Variants in SRBD1 observed in about 807,000 individuals in gnomAD.
SRBD1 encodes the protein S1 RNA binding domain 1.
A neutral mutation model predicts 115.3 loss-of-function variants in SRBD1; 88 were observed. The observed-to-expected ratio is 0.76, with a 90% CI of 0.64 to 0.91. The LOEUF (loss-of-function observed/expected upper bound fraction) is 0.91, where lower values mean the gene tolerates loss of function less well. Ranked by LOEUF, SRBD1 falls within the 40% of genes least tolerant of loss-of-function variation. SRBD1 has a pLI of 0.00. For synonymous variants in SRBD1, 509 were observed against 407.7 expected, an observed-to-expected ratio of 1.25 and a Z score of -2.99; for missense variants, 1,385 against 1,177.4, an observed-to-expected ratio of 1.18 and a Z score of -2.58.
chr2:45,519,482 G>A (rs1671217460), intron 14 of SRBD1, among the ~76,000 whole-genome samples: 1 of 152,180 alleles, frequency 6.6e-6, no homozygotes, highest in Non-Finnish European at 1.5e-5. Flanking sequence ...GTTTACAAGA[G>A]TATCTTTGAT....
chr2:45,477,573 A>G (rs1669841007), intron 15 of SRBD1, among the ~76,000 whole-genome samples: 1 of 152,160 alleles, frequency 6.6e-6, no homozygotes, highest in South Asian at 2.1e-4. Flanking sequence ...TTTTAGAGAT[A>G]GGGTCTCACT....
chr2:45,443,723 T>C (rs374073697), intron 16 of SRBD1, among the ~76,000 whole-genome samples: 3 of 150,628 alleles, frequency 2.0e-5, no homozygotes, highest in South Asian at 2.1e-4. Flanking sequence ...GAAATGTGTA[T>C]ACTGTAAGCA....
At chr2:45,406,539 AC>A (rs972644603) in intron 19 of SRBD1, among the ~76,000 whole-genome samples, 2 of 151,830 alleles carry the variant, frequency 1.3e-5, no homozygotes, top group African/African-American at 4.8e-5. Context: ...CTTGCTGAAA[AC>A]CCTGCTCTGG....
intron 19 of SRBD1, among the ~76,000 whole-genome samples, chr2:45,407,138 C>G (rs1042596124): frequency 6.6e-6 from 1 of 152,204 alleles, no homozygotes; most frequent in East Asian, 1.9e-4. Flanking sequence ...CTCTGTATAC[C>G]TGAAGAAGTG....
chr2:45,560,596 T>C (rs1672631375), intron 10 of SRBD1, among the ~76,000 whole-genome samples: 1 of 152,166 alleles, frequency 6.6e-6, no homozygotes, highest in Non-Finnish European at 1.5e-5. Context: ...AGCATGCCCA[T>C]AGGTGCAGAG....
chr2:45,527,187 G>T (rs1221067640), intron 14 of SRBD1, among the ~76,000 whole-genome samples: 1 of 151,762 alleles, frequency 6.6e-6, no homozygotes, highest in Admixed American at 6.6e-5. Context: ...TTATGTGTGG[G>T]GGAGGGGGGC....
At position 45,526,668 on chromosome 2, in the gene SRBD1, TA is replaced by T. The variant is rs1387921843; in HGVS notation, c.1874+20063del. ...AATGAATAAAGACTTCCAAAAACAA[TA>T]AAAAAAATCAGAAATCCAAATGTCA... On this transcript the variant is annotated intron_variant, in intron 14 of 20. Coordinates refer to ENST00000263736, the MANE Select transcript of SRBD1 (RefSeq NM_018079.5). 3.3e-5 allele frequency among the ~76,000 whole-genome samples: 5 copies of T among 151,564 alleles called. No homozygotes were observed. In the East Asian group the frequency reaches 5.8e-4, roughly 18 times the overall value.
intron 16 of SRBD1, among the ~76,000 whole-genome samples, chr2:45,448,725 G>C (rs986019262): frequency 3.9e-5 from 6 of 152,144 alleles, no homozygotes; most frequent in Non-Finnish European, 4.4e-5. Context: ...TTCAAGAACT[G>C]AAGCTACCCT....
At chr2:45,429,482 GATT>G (rs1668265110) in intron 16 of SRBD1, among the ~76,000 whole-genome samples, 1 of 151,742 alleles carries the variant, frequency 6.6e-6, no homozygotes, top group African/African-American at 2.4e-5. Flanking sequence ...ATGCAAGGCT[GATT>G]CAACATACAC....
chr2:45,596,947 C>CACACAA (rs1673916728), intron 4 of SRBD1, among the ~76,000 whole-genome samples: 1 of 148,454 alleles, frequency 6.7e-6, no homozygotes, highest in African/African-American at 2.5e-5. Context: ...CACACACACA[C>CACACAA]ACACCCACAA....
intron 14 of SRBD1, among the ~76,000 whole-genome samples, chr2:45,505,970 C>T (rs1376787339): frequency 6.6e-6 from 1 of 152,148 alleles, no homozygotes; most frequent in Non-Finnish European, 1.5e-5. Context: ...TTGTGAATGT[C>T]AGTCAATTAT....
chr2:45,509,047 C>A (rs1015572201), intron 14 of SRBD1, among the ~76,000 whole-genome samples: 3 of 152,048 alleles, frequency 2.0e-5, no homozygotes, highest in Non-Finnish European at 4.4e-5. Flanking sequence ...ACATGACCAC[C>A]AAATCCATTA....
chr2:45,403,720 T>A (rs574041771), intron 19 of SRBD1, among the ~76,000 whole-genome samples: 1 of 152,144 alleles, frequency 6.6e-6, no homozygotes, highest in Non-Finnish European at 1.5e-5. Context: ...TTTTTGACCA[T>A]CTGAGCCTAT....
chr2:45,501,019 G>C (rs1670614838), intron 14 of SRBD1, among the ~76,000 whole-genome samples: 1 of 152,150 alleles, frequency 6.6e-6, no homozygotes, highest in Non-Finnish European at 1.5e-5. Context: ...CTATGGGTTT[G>C]TCATATACAG....
chr2:45,490,478 T>C (rs1055144875), intron 14 of SRBD1, among the ~76,000 whole-genome samples: 5 of 152,160 alleles, frequency 3.3e-5, no homozygotes, highest in Non-Finnish European at 7.4e-5. Flanking sequence ...CAAATCAACA[T>C]TCAATCTAAC....
chr2:45,603,948 T>C (rs1449734057), intron 2 of SRBD1, among the ~76,000 whole-genome samples: 2 of 152,144 alleles, frequency 1.3e-5, no homozygotes. Flanking sequence ...AGTCCAAAAC[T>C]GAATTCCCGA....
intron 14 of SRBD1, among the ~76,000 whole-genome samples, chr2:45,539,500 A>G (rs891333809): frequency 1.3e-5 from 2 of 152,202 alleles, no homozygotes; most frequent in African/African-American, 4.8e-5. Flanking sequence ...AAACAGAACT[A>G]TAACTCACTA....
intron 19 of SRBD1, 52 bp from the exon 20 acceptor site, chr2:45,393,181 C>T (rs190857583): frequency 3.9e-6 from 6 of 1,524,868 alleles, no homozygotes; most frequent in Non-Finnish European, 5.3e-6. Flanking sequence ...ACTCCTTTTG[C>T]AATCTCCTTA....
At chr2:45,405,063 C>A (rs1355835937) in intron 19 of SRBD1, among the ~76,000 whole-genome samples, 1 of 152,134 alleles carries the variant, frequency 6.6e-6, no homozygotes, top group Admixed American at 6.6e-5. Flanking sequence ...TACCCACAAT[C>A]CTGGCAATCC....
Sources: allele counts gnomAD v4.1 joint callset (sites outside exome capture counted in the v4.1 genomes callset), GRCh38; gene constraint gnomAD v4.1.1; transcripts MANE v1.5; gene names NCBI Gene and HGNC (gene_info 2026-07-23, HGNC 2026-07-21).